UBE2U: variants seen among roughly 807,000 people sequenced by gnomAD.
UBE2U encodes ubiquitin-conjugating enzyme E2 U.
UBE2U carries 39 observed loss-of-function variants against 41.2 expected under a neutral mutation model. The ratio of observed to expected loss-of-function variants is 0.95; its 90% CI spans 0.73 to 1.24. UBE2U has a LOEUF of 1.24. UBE2U is among the 50% of genes most tolerant of loss of function. The pLI is 0.00. For synonymous variants in UBE2U, 107 were observed against 117.8 expected (o/e 0.91, Z 0.60); for missense variants, 336 against 363.1 (o/e 0.93, Z 0.61).
Position 64,221,897 on chromosome 1 carries a change from T to C in UBE2U, c.506+990T>C, listed in dbSNP as rs576710820. ...GTCAGAAGATCGAGACCATCCTGGC[T>C]AACATGGTGAAACCTGTCTCTACTA... On this transcript the variant is annotated intron_variant, in intron 6 of 9. Coordinates refer to ENST00000371077, the MANE Select transcript of UBE2U (RefSeq NM_001366232.2). Among the ~76,000 whole-genome samples the C allele has an allele frequency of 2.0e-5, 3 of 152,074 alleles. No homozygotes were observed. The East Asian group carries it at 5.8e-4, about 30-fold the overall frequency.
At chr1:64,266,955 A>G in intron 9 of UBE2U, 69 bp from the exon 10 acceptor site, 3 of 1,399,598 alleles carry the variant, frequency 2.1e-6, no homozygotes, top group Non-Finnish European at 2.9e-6. Context: ...AAATGCAGGA[A>G]CACTTCTCTT....
intron 8 of UBE2U, among the ~76,000 whole-genome samples, chr1:64,253,066 A>G (rs1645036700): frequency 6.6e-6 from 1 of 151,898 alleles, no homozygotes. Context: ...AGAGAGGAAC[A>G]TAAACAACCT....
intron 5 of UBE2U, among the ~76,000 whole-genome samples, chr1:64,219,355 T>G (rs1245764312): frequency 6.6e-6 from 1 of 152,106 alleles, no homozygotes; most frequent in Non-Finnish European, 1.5e-5. Context: ...CTTCTTTTTA[T>G]TCCCAGTGAT....
At chr1:64,239,177 A>AGAG (rs1557731417) in intron 7 of UBE2U, among the ~76,000 whole-genome samples, 20 of 91,564 alleles carry the variant, frequency 2.2e-4, no homozygotes, top group Non-Finnish European at 2.7e-4. Flanking sequence ...AAGAAGAAGA[A>AGAG]GAAGAAGAAG....
intron 8 of UBE2U, among the ~76,000 whole-genome samples, chr1:64,251,372 A>C (rs1645008200): frequency 1.3e-5 from 2 of 152,096 alleles, no homozygotes; most frequent in Non-Finnish European, 2.9e-5. Context: ...AACATTTGAA[A>C]ATTTCGAATA....
intron 8 of UBE2U, among the ~76,000 whole-genome samples, chr1:64,243,460 T>A (rs1458875131): frequency 6.6e-6 from 1 of 152,118 alleles, no homozygotes; most frequent in Non-Finnish European, 1.5e-5. Flanking sequence ...TCATAGAGAA[T>A]CAAGTAGAAA....
chr1:64,246,482 A>T (rs936031780), intron 8 of UBE2U, among the ~76,000 whole-genome samples: 28 of 152,288 alleles, frequency 1.8e-4, no homozygotes, highest in African/African-American at 6.7e-4. Context: ...GCATTTTTTA[A>T]GGAGTGCTAG....
chr1:64,206,734 T>G (rs1651320145), intron 2 of UBE2U, 30 bp from the exon 3 acceptor site: 1 of 1,331,280 alleles, frequency 7.5e-7, no homozygotes. Flanking sequence ...ACATGACACT[T>G]TAGTAAAAAT....
intron 9 of UBE2U, among the ~76,000 whole-genome samples, chr1:64,262,620 G>C (rs1428445694): frequency 6.6e-6 from 1 of 152,134 alleles, no homozygotes; most frequent in Non-Finnish European, 1.5e-5. Flanking sequence ...CTCCCAGCCT[G>C]GCCTCCTACT....
intron 6 of UBE2U, 43 bp downstream of exon 6, chr1:64,220,950 A>G (rs762872591): frequency 1.5e-6 from 2 of 1,372,460 alleles, no homozygotes; most frequent in Non-Finnish European, 2.0e-6. Flanking sequence ...TATTTACCAA[A>G]AGGACTATTT....
chr1:64,229,192 A>G (rs2100374177), intron 6 of UBE2U, among the ~76,000 whole-genome samples: 1 of 151,970 alleles, frequency 6.6e-6, no homozygotes, highest in South Asian at 2.1e-4. Flanking sequence ...ACGGGGTTTC[A>G]CCATGTTGGC....
chr1:64,241,468 A>G (rs573679449), intron 7 of UBE2U, among the ~76,000 whole-genome samples, 184 bp from the exon 8 acceptor site: 1 of 152,346 alleles, frequency 6.6e-6, no homozygotes, highest in South Asian at 2.1e-4. Flanking sequence ...ATCTAATATT[A>G]TGATGTTCCA....
intron 8 of UBE2U, among the ~76,000 whole-genome samples, chr1:64,254,397 G>A (rs1645059333): frequency 6.6e-6 from 1 of 151,230 alleles, no homozygotes; most frequent in African/African-American, 2.4e-5. Context: ...ATTCAGCTCT[G>A]GGTCAGGTGG....
chr1:64,239,059 AGAAGAAGAGGAAGAG>A lies in UBE2U; in HGVS notation c.596-2587_596-2573del, dbSNP rs1644728151. ...CCCCATCTCAAAAAGAAGAAGAAGA[AGAAGAAGAGGAAGAG>A]GAAGAGGAAGAGGAAGAGGAAGAAG... On this transcript the variant is annotated intron_variant, in intron 7 of 9. Transcript: ENST00000371077. 8.6e-5 allele frequency among the ~76,000 whole-genome samples: 8 copies of A among 93,346 alleles called. No individual in the cohort carries two copies. In the South Asian group the frequency reaches 1.4e-3, roughly 16 times the overall value. 61.2% of individuals were successfully genotyped at this position (93,346 alleles called of 152,430 possible).
intron 8 of UBE2U, among the ~76,000 whole-genome samples, chr1:64,252,446 C>T (rs927403631): frequency 2.0e-5 from 3 of 152,210 alleles, no homozygotes; most frequent in African/African-American, 7.2e-5. Flanking sequence ...TTCCTCCTGA[C>T]TGGGAGAGAC....
chr1:64,229,186 G>A (rs1348986100), intron 6 of UBE2U, among the ~76,000 whole-genome samples: 1 of 151,864 alleles, frequency 6.6e-6, no homozygotes, highest in Non-Finnish European at 1.5e-5. Flanking sequence ...ATAGAGACGG[G>A]GTTTCACCAT....
intron 9 of UBE2U, among the ~76,000 whole-genome samples, chr1:64,261,800 G>A (rs990281018): frequency 2.0e-5 from 3 of 152,306 alleles, no homozygotes; most frequent in Non-Finnish European, 2.9e-5. Context: ...CAGTGGAAGA[G>A]ATCAGTTGGT....
At chr1:64,224,810 A>G (rs1472331789) in intron 6 of UBE2U, among the ~76,000 whole-genome samples, 7 of 152,148 alleles carry the variant, frequency 4.6e-5, no homozygotes, top group Non-Finnish European at 5.9e-5. Flanking sequence ...TTGCACAGCA[A>G]TGTAACTACA....
intron 8 of UBE2U, among the ~76,000 whole-genome samples, chr1:64,250,076 A>C (rs919350379): frequency 2.6e-5 from 4 of 152,182 alleles, no homozygotes; most frequent in African/African-American, 9.6e-5. Context: ...ATAGCCAAAA[A>C]CTTCATGTCA....
Sources: allele counts gnomAD v4.1 joint callset (sites outside exome capture counted in the v4.1 genomes callset), GRCh38; gene constraint gnomAD v4.1.1; transcripts MANE v1.5; gene names NCBI Gene and HGNC (gene_info 2026-07-23, HGNC 2026-07-21).